TCERG1L: variants seen among roughly 807,000 people sequenced by gnomAD.
TCERG1L encodes transcription elongation regulator 1-like protein.
Under a neutral mutation model 56.3 loss-of-function variants are expected in TCERG1L, and 37 were observed. The ratio of observed to expected loss-of-function variants is 0.66; its 90% CI spans 0.51 to 0.87. The LOEUF (loss-of-function observed/expected upper bound fraction) is 0.87. Among genes scored for constraint, TCERG1L ranks in the 40% least tolerant of loss-of-function variants. The probability of loss-of-function intolerance (pLI) is 0.00; values close to 1 mark genes in which losing one functional copy is unlikely to be tolerated. For synonymous variants in TCERG1L, 324 were observed against 326.3 expected, an observed-to-expected ratio of 0.99 and a Z score of 0.08; for missense variants, 799 against 774.2, an observed-to-expected ratio of 1.03 and a Z score of -0.38.
intron 4 of TCERG1L, among the ~76,000 whole-genome samples, chr10:131,234,052 C>T (rs1254198197): frequency 6.6e-6 from 1 of 152,192 alleles, no homozygotes; most frequent in African/African-American, 2.4e-5. Flanking sequence ...AAGCCCTGGC[C>T]AGAAGCCAAG....
intron 6 of TCERG1L, among the ~76,000 whole-genome samples, chr10:131,153,484 T>C (rs1355781200): frequency 6.6e-6 from 1 of 152,194 alleles, no homozygotes; most frequent in African/African-American, 2.4e-5. Flanking sequence ...CAGGCGGCCC[T>C]ATCCACTGGG....
intron 3 of TCERG1L, among the ~76,000 whole-genome samples, chr10:131,282,125 G>C (rs1462018206): frequency 3.7e-5 from 4 of 109,210 alleles, no homozygotes; most frequent in Non-Finnish European, 6.9e-5. Context: ...GAAAGAGCAA[G>C]ACTCCATCTC....
Position 131,311,165 on chromosome 10 carries a change from G to T in TCERG1L, c.342+129C>A. 1.4e-6 allele frequency: 1 copy of T among 710,490 alleles called. No individual in the cohort carries two copies. Among genetic ancestry groups the T allele is most frequent in the Non-Finnish European group, 1.9e-6 (1 of 532,048 alleles). The allele number at this position is 710,490 out of a possible 1,614,324, so 44.0% of individuals were successfully genotyped here. Reference sequence around the variant, plus strand: ...GCACGGCTGCCGGGCTCCGTCCTGAGGGTTTGGGGCGGCGAGGACCGCCGG... The same window carrying T: ...GCACGGCTGCCGGGCTCCGTCCTGATGGTTTGGGGCGGCGAGGACCGCCGG... On this transcript the variant is annotated intron_variant, in intron 1 of 11. Coordinates refer to ENST00000368642, the MANE Select transcript of TCERG1L (RefSeq NM_174937.4). This position sits in a 1 kb window ranked among gnomAD's most constrained non-coding sequence, Gnocchi z 4.0.
At chr10:131,209,250 T>C (rs1845588686) in intron 4 of TCERG1L, among the ~76,000 whole-genome samples, 1 of 151,082 alleles carries the variant, frequency 6.6e-6, no homozygotes, top group South Asian at 2.2e-4. Context: ...CTGAAACACC[T>C]GTCGTCCCAA....
At chr10:131,197,302 C>T (rs556418023) in intron 4 of TCERG1L, among the ~76,000 whole-genome samples, 13 of 152,132 alleles carry the variant, frequency 8.5e-5, no homozygotes, top group Non-Finnish European at 1.5e-4. Flanking sequence ...CTGCCTCAGC[C>T]TCCCGAGTAG....
intron 4 of TCERG1L, among the ~76,000 whole-genome samples, chr10:131,199,648 C>T (rs946813086): frequency 6.6e-6 from 1 of 152,212 alleles, no homozygotes; most frequent in Non-Finnish European, 1.5e-5. Context: ...GTCACACCCC[C>T]TTGAGCTAAA....
At chr10:131,278,829 C>T (rs1008112446) in intron 3 of TCERG1L, among the ~76,000 whole-genome samples, 4 of 152,068 alleles carry the variant, frequency 2.6e-5, no homozygotes, top group Admixed American at 2.0e-4. Flanking sequence ...AAGTGCTCCT[C>T]CCTCCCATGG....
intron 3 of TCERG1L, among the ~76,000 whole-genome samples, chr10:131,264,475 G>C (rs1027692262): frequency 1.3e-5 from 2 of 152,150 alleles, no homozygotes; most frequent in African/African-American, 4.8e-5. Flanking sequence ...CTGAGGAGTC[G>C]GGCTCCTGGT....
Position 131,199,860 on chromosome 10 carries a change from A to G in TCERG1L, c.857-32975T>C, listed in dbSNP as rs558528409. The stretch of plus-strand genomic sequence containing the variant: ...ACCCCTCGTTCTCTTTCGCCTTTAA[A>G]CACCTACTCGGAGCACTCCCCTATG... On this transcript the variant is annotated intron_variant, in intron 4 of 11. Transcript: ENST00000368642. 2.0e-5 allele frequency among the ~76,000 whole-genome samples: 3 copies of G among 152,222 alleles called. No individual in the cohort carries two copies. In the South Asian group the frequency reaches 6.2e-4, roughly 32 times the overall value.
chr10:131,220,788 A>C (rs1222267586), intron 4 of TCERG1L, among the ~76,000 whole-genome samples: 1 of 152,162 alleles, frequency 6.6e-6, no homozygotes, highest in Non-Finnish European at 1.5e-5. Context: ...AGTGGTCCAG[A>C]GCCAGGATGA....
At position 131,206,097 on chromosome 10, in the gene TCERG1L, C is replaced by T. The variant is rs189064945; in HGVS notation, c.857-39212G>A. The stretch of plus-strand genomic sequence containing the variant: ...TGCAGACACGAAGCCCTCAGGATTC[C>T]CAGGCGGGAGAACTGGCTGGTGGCT... On this transcript the variant is annotated intron_variant, in intron 4 of 11. Coordinates refer to ENST00000368642, the MANE Select transcript of TCERG1L (RefSeq NM_174937.4). Among the ~76,000 whole-genome samples the T allele has an allele frequency of 1.1e-3, 171 of 152,314 alleles. 2 individuals are homozygous for T. Among genetic ancestry groups the T allele is most frequent in the Non-Finnish European group, 8.2e-4 (56 of 68,026 alleles).
intron 4 of TCERG1L, among the ~76,000 whole-genome samples, chr10:131,248,197 C>T (rs552760415): frequency 6.8e-6 from 1 of 147,682 alleles, no homozygotes; most frequent in East Asian, 2.0e-4. Context: ...CAAACACACA[C>T]TACTCACACA....
rs2133543428 is a variant in TCERG1L at position 131,260,576 on chromosome 10, G to A, written c.671-132C>T. On this transcript the variant is annotated intron_variant, in intron 3 of 11. Transcript: ENST00000368642. The surrounding 1 kb of genome is among the most constrained non-coding windows in gnomAD (Gnocchi z 5.8). Reference sequence around the variant, plus strand: ...GGGGCGCTACCCCTCTTTAATGGAGGCCCACAGTATGTGCCACCGTCCGCA... The same window carrying A: ...GGGGCGCTACCCCTCTTTAATGGAGACCCACAGTATGTGCCACCGTCCGCA... The A allele has an allele frequency of 2.6e-6, 3 of 1,141,538 alleles. No homozygotes were observed. Among genetic ancestry groups the A allele is most frequent in the Non-Finnish European group, 2.2e-6 (2 of 890,246 alleles). The allele number at this position is 1,141,538 out of a possible 1,614,324, so 70.7% of individuals were successfully genotyped here.
rs183352106 is a variant in TCERG1L at position 131,273,399 on chromosome 10, G to A, written c.671-12955C>T. On this transcript the variant is annotated intron_variant, in intron 3 of 11. Transcript: ENST00000368642. ...TCCCAAAGCACTCGCCTGCCTCCTG[G>A]AGAGTCCCTTGGCCAAAGCCCCGGG... Among the ~76,000 whole-genome samples the A allele has an allele frequency of 2.4e-3, 369 of 152,324 alleles. 1 individual carries two copies. Among genetic ancestry groups the A allele is most frequent in the Non-Finnish European group, 3.8e-3 (257 of 68,030 alleles).
At chr10:131,206,060 G>A (rs1309715575) in intron 4 of TCERG1L, among the ~76,000 whole-genome samples, 3 of 152,224 alleles carry the variant, frequency 2.0e-5, no homozygotes, top group Admixed American at 6.5e-5. Flanking sequence ...GAAAGGGCAG[G>A]AAAATGGATG....
intron 3 of TCERG1L, among the ~76,000 whole-genome samples, chr10:131,273,028 T>C (rs998434216): frequency 6.6e-6 from 1 of 152,228 alleles, no homozygotes; most frequent in Non-Finnish European, 1.5e-5. Context: ...GAGACTGTTC[T>C]TCAGACAGAG....
chr10:131,239,737 T>G (rs1431143528), intron 4 of TCERG1L, among the ~76,000 whole-genome samples: 2 of 152,250 alleles, frequency 1.3e-5, no homozygotes, highest in African/African-American at 4.8e-5. Flanking sequence ...ATCTCGCCAC[T>G]TGGCCTTCGG....
intron 4 of TCERG1L, among the ~76,000 whole-genome samples, chr10:131,217,037 A>C (rs1291722140): frequency 1.3e-5 from 2 of 152,172 alleles, no homozygotes; most frequent in Admixed American, 6.5e-5. Context: ...TACAGGGTTG[A>C]TGTCCCTGGC....
rs566377668 is a variant in TCERG1L, at chr10:131,260,608, A to G, written c.671-164T>C. Among the ~76,000 whole-genome samples, 1 of 152,252 alleles carries G rather than the reference A, an allele frequency of 6.6e-6. No homozygotes were observed. The highest frequency in any genetic ancestry group is 2.1e-4 in the South Asian group (1 of 4,820). On this transcript the variant is annotated intron_variant, in intron 3 of 11. Coordinates refer to ENST00000368642, the MANE Select transcript of TCERG1L (RefSeq NM_174937.4). The surrounding 1 kb of genome is among the most constrained non-coding windows in gnomAD (Gnocchi z 5.8). The stretch of plus-strand genomic sequence containing the variant: ...GTATGTGCCACCGTCCGCAGAACAA[A>G]TGCTTCTGATGAGTTCTCCATCAGT...
Sources: gnomAD v4.1 joint callset for allele counts (sites outside exome capture counted in the v4.1 genomes callset) on GRCh38, gnomAD v4.1.1 for gene constraint, Gnocchi (gnomAD v3.1) non-coding constraint, MANE v1.5 for transcripts, NCBI Gene and HGNC (gene_info 2026-07-23, HGNC 2026-07-21) for gene names.